DIAPH1: variants seen among roughly 807,000 people sequenced by gnomAD.
DIAPH1 encodes diaphanous related formin 1, also known as protein diaphanous homolog 1.
DIAPH1 carries 46 observed loss-of-function variants against 140.7 expected under a neutral mutation model. The observed-to-expected ratio is 0.33, with a 90% CI of 0.26 to 0.42. The LOEUF (loss-of-function observed/expected upper bound fraction) is 0.42, where lower values mean the gene tolerates loss of function less well. Ranked by LOEUF, DIAPH1 falls within the 10% of genes least tolerant of loss-of-function variation. DIAPH1 has a pLI of 1.00. For synonymous variants in DIAPH1, 565 were observed against 551.6 expected (o/e 1.02, Z -0.34); for missense variants, 1,310 against 1,558.7 (o/e 0.84, Z 2.69).
At chr5:141,549,088 T>TA (rs1349956658) in intron 18 of DIAPH1, among the ~76,000 whole-genome samples, 32 of 152,174 alleles carry the variant, frequency 2.1e-4, no homozygotes, top group African/African-American at 7.7e-4. Context: ...TCAAATGGAT[T>TA]AAATATATGA....
rs1208961795 is a variant in DIAPH1, at chr5:141,615,449, A to G, written c.117+3349T>C. Among the ~76,000 whole-genome samples, 6 of 148,162 alleles carry G rather than the reference A, an allele frequency of 4.0e-5. No homozygotes were observed. The East Asian group carries it at 1.2e-3, about 29-fold the overall frequency. On this transcript the variant is annotated intron_variant, in intron 1 of 27. Coordinates refer to ENST00000389054, the MANE Select transcript of DIAPH1 (RefSeq NM_005219.5). Reference sequence around the variant, plus strand: ...CGTCTCAGAAAAAGAAAAAAAAAAAAAAAAAAAAAGGGCCGCACGCGGTGG... The same window carrying G: ...CGTCTCAGAAAAAGAAAAAAAAAAAGAAAAAAAAAGGGCCGCACGCGGTGG...
intron 1 of DIAPH1, among the ~76,000 whole-genome samples, chr5:141,611,766 A>G (rs1019364360): frequency 2.0e-4 from 30 of 152,212 alleles, no homozygotes; most frequent in Non-Finnish European, 7.3e-5. Context: ...TTAGGGAATG[A>G]CAAATTAAAG....
chr5:141,527,699 T>TAAAAAAAAAAAAAAAAAAAACAA lies in DIAPH1; in HGVS notation c.3149-3_3149-2insTTGTTTTTTTTTTTTTTTTTTTT. On this transcript the variant is annotated splice_polypyrimidine_tract_variant and splice_region_variant and intron_variant, in intron 23 of 27. Transcript: ENST00000389054. Reference sequence around the variant, plus strand: ...TCTTTTGCAAGTTTTCAGCAGAAACTAAAAAAAAAAAAAAAAAAAAAAACC... The same window carrying TAAAAAAAAAAAAAAAAAAAACAA: ...TCTTTTGCAAGTTTTCAGCAGAAACTAAAAAAAAAAAAAAAAAAAACAAAAAAAAAAAAAAAAAAAAAAAAACC... 8.8e-7 allele frequency: 1 copy of TAAAAAAAAAAAAAAAAAAAACAA among 1,130,080 alleles called. No homozygotes were observed. 70.0% of individuals were successfully genotyped at this position (1,130,080 alleles called of 1,614,324 possible).
Position 141,573,671 on chromosome 5 carries a change from G to A in DIAPH1, c.2179C>T (p.Pro727Ser). ...PPPLPGGPGI[P>S]PPPPFPGGPG... Reference sequence around the variant, plus strand: ...CCTCCGGGAAATGGAGGAGGTGGAGGGATTCCAGGACCACCAGGAAGAGGG... The same window carrying A: ...CCTCCGGGAAATGGAGGAGGTGGAGAGATTCCAGGACCACCAGGAAGAGGG... The change falls in exon 16 of 28, where the codon CCT becomes TCT. Residue 727 changes from proline (P) to serine (S), a missense_variant. Around this residue, in one of 3 missense-constraint regions of DIAPH1, gnomAD observed 589 missense variants for 549.3 expected, o/e 1.07. Transcript: ENST00000389054. 1.9e-6 allele frequency: 3 copies of A among 1,610,580 alleles called. No homozygotes were observed. Among genetic ancestry groups the A allele is most frequent in the Non-Finnish European group, 2.5e-6 (3 of 1,177,750 alleles).
At chr5:141,554,283 G>A (rs1399555236) in intron 18 of DIAPH1, among the ~76,000 whole-genome samples, 3 of 151,744 alleles carry the variant, frequency 2.0e-5, no homozygotes, top group East Asian at 1.9e-4. Flanking sequence ...ATCCCCACCC[G>A]CTCCCCCCAA....
intron 9 of DIAPH1, among the ~76,000 whole-genome samples, chr5:141,578,867 T>C (rs1247963214): frequency 6.6e-6 from 1 of 152,224 alleles, no homozygotes; most frequent in Non-Finnish European, 1.5e-5. Flanking sequence ...TTTCCTAGAT[T>C]GTAAATAGAT....
intron 8 of DIAPH1, among the ~76,000 whole-genome samples, chr5:141,580,463 A>C (rs1002890000): frequency 1.3e-5 from 2 of 151,308 alleles, no homozygotes; most frequent in Admixed American, 1.3e-4. Context: ...AAAAAAAAAG[A>C]ATAGTAAAAA....
Position 141,575,049 on chromosome 5 carries a change from T to C in DIAPH1, c.1559A>G (p.Lys520Arg), listed in dbSNP as rs1397611238. 6.2e-7 allele frequency: 1 copy of C among 1,614,058 alleles called. No homozygotes were observed. Among genetic ancestry groups the C allele is most frequent in the African/African-American group, 1.3e-5 (1 of 74,912 alleles). The change falls in exon 15 of 28, where the codon AAA becomes AGA. Residue 520 changes from lysine (K) to arginine (R), a missense_variant. By Grantham distance (26) the Lys-to-Arg change is conservative. Around this residue, in one of 3 missense-constraint regions of DIAPH1, gnomAD observed 589 missense variants for 549.3 expected, o/e 1.07. Coordinates refer to ENST00000389054, the MANE Select transcript of DIAPH1 (RefSeq NM_005219.5). ...EQKLQDLQGE[K>R]DALHSEKQQI... ...CTGCTTTTCAGAATGCAGTGCATCTTTTTCTCCCTGAAGATCTTGAAGCTT... is the reference window on the plus strand; with the variant it reads ...CTGCTTTTCAGAATGCAGTGCATCTCTTTCTCCCTGAAGATCTTGAAGCTT...
At chr5:141,550,247 C>T (rs958544752) in intron 18 of DIAPH1, among the ~76,000 whole-genome samples, 2 of 151,922 alleles carry the variant, frequency 1.3e-5, no homozygotes, top group African/African-American at 4.8e-5. Flanking sequence ...AAATGTATAA[C>T]CTGAATCTAA....
intron 27 of DIAPH1, chr5:141,518,545 TTG>T (rs909252033): frequency 1.9e-5 from 3 of 161,666 alleles, no homozygotes; most frequent in Non-Finnish European, 4.1e-5. Context: ...TTTTTTTTTT[TTG>T]ATGGAATCTC....
In DIAPH1 at chr5:141,577,537, T is replaced by C; in HGVS notation, c.1218A>G (p.Ala406=). 2.5e-6 allele frequency: 4 copies of C among 1,614,058 alleles called. No homozygotes were observed. The highest frequency in any genetic ancestry group is 3.4e-6 in the Non-Finnish European group (4 of 1,179,876). The change falls in exon 12 of 28, where the codon GCA becomes GCG. Residue 406 remains alanine (A), a synonymous_variant. Transcript: ENST00000389054. ...ILLNTVKDSK[A]EPHFLSILQH... ...GCAGGATGGAAAGGAAGTGTGGCTC[T>C]GCCTTTGAATCCTTCACTGTGTTTA... is the stretch of plus-strand genomic sequence containing the variant.
chr5:141,585,171 G>C (rs1012233802), intron 3 of DIAPH1, among the ~76,000 whole-genome samples: 1 of 152,044 alleles, frequency 6.6e-6, no homozygotes, highest in Admixed American at 6.6e-5. Flanking sequence ...TGGCCAGGCT[G>C]GTCTTGAACT....
intron 6 of DIAPH1, among the ~76,000 whole-genome samples, chr5:141,582,853 A>C (rs147695435): frequency 6.6e-6 from 1 of 152,294 alleles, no homozygotes; most frequent in Non-Finnish European, 1.5e-5. Flanking sequence ...CTGTCACAAT[A>C]CTAGTCCCAA....
intron 26 of DIAPH1, 183 bp from the exon 27 acceptor site, chr5:141,524,412 T>C (rs2099886991): frequency 1.5e-6 from 1 of 659,174 alleles, no homozygotes; most frequent in Admixed American, 2.2e-5. Context: ...TTGTATCTGC[T>C]AAAAAATGGT....
chr5:141,591,350 C>T (rs764466687), intron 1 of DIAPH1, among the ~76,000 whole-genome samples: 6 of 151,980 alleles, frequency 3.9e-5, no homozygotes, highest in Non-Finnish European at 7.4e-5. Flanking sequence ...GTTTCCTCTA[C>T]CCATTTCCAG....
chr5:141,616,103 C>G (rs1223113830), intron 1 of DIAPH1, among the ~76,000 whole-genome samples: 1 of 152,146 alleles, frequency 6.6e-6, no homozygotes, highest in African/African-American at 2.4e-5. Flanking sequence ...GGGGTAATAC[C>G]AGGCAGCCTG....
chr5:141,562,609 AAAAAAAAAAACAAAC>A (rs200869792), intron 18 of DIAPH1, among the ~76,000 whole-genome samples: 3,327 of 129,976 alleles, frequency 0.026, 81 homozygotes, highest in East Asian at 0.05. Context: ...ACCTATGCAA[AAAAAAAAAAACAAAC>A]AAAAAAAAAC....
intron 18 of DIAPH1, among the ~76,000 whole-genome samples, chr5:141,540,769 G>A (rs531134821): frequency 1.3e-5 from 2 of 151,352 alleles, no homozygotes; most frequent in African/African-American, 4.8e-5. Context: ...ATCAAAAGAC[G>A]CCATTTCAGG....
chr5:141,598,303 T>G (rs181941657), intron 1 of DIAPH1, among the ~76,000 whole-genome samples: 4 of 152,356 alleles, frequency 2.6e-5, no homozygotes, highest in Non-Finnish European at 5.9e-5. Context: ...GGAGTTTTTA[T>G]GCAATAGAAT....
Sources: allele counts gnomAD v4.1 joint callset (sites outside exome capture counted in the v4.1 genomes callset), GRCh38; gene constraint gnomAD v4.1.1; regional missense constraint gnomAD v4.1.1; transcripts MANE v1.5; gene names NCBI Gene and HGNC (gene_info 2026-07-23, HGNC 2026-07-21).